MARCHF7: variants seen among roughly 807,000 people sequenced by gnomAD.
The protein encoded by MARCHF7 is E3 ubiquitin-protein ligase MARCHF7.
In MARCHF7, 20 loss-of-function variants were observed where a neutral mutation model predicts 76.5. The observed-to-expected ratio is 0.26, with a 90% CI of 0.18 to 0.38. MARCHF7 has a LOEUF of 0.38. Among genes scored for constraint, MARCHF7 ranks in the 10% least tolerant of loss-of-function variants. The probability of loss-of-function intolerance (pLI) is 1.00; values close to 1 mark genes in which losing one functional copy is unlikely to be tolerated. For missense variants in MARCHF7, 797 were observed against 812.9 expected (o/e 0.98, Z 0.24); for synonymous variants, 295 against 293.0 (o/e 1.01, Z -0.07).
intron 4 of MARCHF7, among the ~76,000 whole-genome samples, chr2:159,729,574 G>A (rs1007998133): frequency 1.3e-5 from 2 of 151,878 alleles, no homozygotes; most frequent in East Asian, 1.9e-4. Context: ...TTGGGAGGCC[G>A]AAGAGGGAGG....
intron 3 of MARCHF7, among the ~76,000 whole-genome samples, chr2:159,716,659 A>G (rs1701077135): frequency 6.6e-6 from 1 of 151,832 alleles, no homozygotes; most frequent in East Asian, 1.9e-4. Context: ...AAAAAATGAT[A>G]GATTACATTG....
Position 159,748,206 on chromosome 2 carries a change from A to G in MARCHF7, c.916A>G (p.Thr306Ala). The change falls in exon 7 of 12, where the codon ACA becomes GCA. Residue 306 changes from threonine to alanine, a missense_variant. Physicochemically the swap from Thr to Ala is moderately conservative, Grantham distance 58 (BLOSUM62 0). Coordinates refer to ENST00000409175, the MANE Select transcript of MARCHF7 (RefSeq NM_001282805.2). ...AAGATCTAGTCAGGATTCCTTGAATACAAGATCATTGAATTCTGAAAATTC... is the reference window on the plus strand; with the variant it reads ...AAGATCTAGTCAGGATTCCTTGAATGCAAGATCATTGAATTCTGAAAATTC... ...SRRSSQDSLN[T>A]RSLNSENSYV... The G allele has an allele frequency of 6.2e-7, 1 of 1,614,092 alleles. No homozygotes were observed. Among genetic ancestry groups the G allele is most frequent in the South Asian group, 1.1e-5 (1 of 91,070 alleles).
chr2:159,734,672 T>C (rs984059626), intron 4 of MARCHF7, among the ~76,000 whole-genome samples: 1 of 151,956 alleles, frequency 6.6e-6, no homozygotes, highest in African/African-American at 2.4e-5. Context: ...ATAATGAGTA[T>C]TGCATATAAG....
chr2:159,770,029 T>G lies in MARCHF7; in HGVS notation c.*2687T>G, dbSNP rs1332216553. On this transcript the variant is annotated 3_prime_UTR_variant, in exon 12 of 12. Transcript: ENST00000409175. ...CATTGTAGTTGTAGACGTTTGAGAC[T>G]GTTGGTTTTAAGTTGGACTTAATCA... The G allele has an allele frequency of 6.6e-6, 1 of 152,194 alleles. No individual in the cohort carries two copies. Among genetic ancestry groups the G allele is most frequent in the Admixed American group, 6.5e-5 (1 of 15,284 alleles). 9.4% of individuals were successfully genotyped at this position (152,194 alleles called of 1,614,324 possible).
chr2:159,728,472 A>G lies in MARCHF7; in HGVS notation c.-14-537A>G, dbSNP rs541660620. On this transcript the variant is annotated intron_variant, in intron 3 of 11. Coordinates refer to ENST00000409175, the MANE Select transcript of MARCHF7 (RefSeq NM_001282805.2). Reference sequence around the variant, plus strand: ...GAGATGGGGAAATAGAAAGGTAAACAAATTACAATGCATAGTAGTATCAAA... The same window carrying G: ...GAGATGGGGAAATAGAAAGGTAAACGAATTACAATGCATAGTAGTATCAAA... 3.9e-5 allele frequency among the ~76,000 whole-genome samples: 6 copies of G among 152,366 alleles called. No individual in the cohort carries two copies. In the East Asian group the frequency reaches 1.2e-3, roughly 29 times the overall value.
chr2:159,757,020 G>A (rs562977997), intron 8 of MARCHF7, among the ~76,000 whole-genome samples: 1 of 152,130 alleles, frequency 6.6e-6, no homozygotes, highest in South Asian at 2.1e-4. Context: ...AGCCTCCTAA[G>A]TTAGCTGGGA....
chr2:159,739,891 T>C (rs190996933), intron 4 of MARCHF7, among the ~76,000 whole-genome samples: 127 of 152,348 alleles, frequency 8.3e-4, no homozygotes, highest in Middle Eastern at 6.8e-3. Flanking sequence ...TCGTGAGTCA[T>C]GAAAATTGTT....
intron 8 of MARCHF7, among the ~76,000 whole-genome samples, chr2:159,752,841 C>G (rs569557200): frequency 5.9e-5 from 9 of 152,200 alleles, no homozygotes; most frequent in Non-Finnish European, 1.3e-4. Flanking sequence ...TCCCTTAAAT[C>G]ATGGAAGATC....
chr2:159,729,148 T>G lies in MARCHF7; in HGVS notation c.126T>G (p.Ser42=), dbSNP rs776805298. 1.9e-6 allele frequency: 3 copies of G among 1,599,710 alleles called. No individual in the cohort carries two copies. In the African/African-American group the frequency reaches 4.0e-5, roughly 22 times the overall value. Reference sequence around the variant, plus strand: ...ATGATACCTATCACTCAAGAGACTCTTCATTTAGATTGGATTCTGAATATC... The same window carrying G: ...ATGATACCTATCACTCAAGAGACTCGTCATTTAGATTGGATTCTGAATATC... ...SLNDTYHSRD[S]SFRLDSEYQS... is the part of the protein sequence containing the mutation. The change falls in exon 4 of 12, where the codon TCT becomes TCG. Residue 42 remains serine (S), a synonymous_variant. Coordinates refer to ENST00000409175, the MANE Select transcript of MARCHF7 (RefSeq NM_001282805.2).
chr2:159,725,042 A>G (rs1702013230), intron 3 of MARCHF7, among the ~76,000 whole-genome samples: 1 of 152,130 alleles, frequency 6.6e-6, no homozygotes, highest in Admixed American at 6.5e-5. Flanking sequence ...ATAGTATTCC[A>G]TGGTGTATAT....
intron 3 of MARCHF7, among the ~76,000 whole-genome samples, chr2:159,726,625 G>A (rs892825298): frequency 1.3e-5 from 2 of 152,164 alleles, no homozygotes; most frequent in East Asian, 3.9e-4. Context: ...CCAACCTGTT[G>A]TTATTTTTTT....
chr2:159,728,877 C>T (rs1473864895), intron 3 of MARCHF7, 132 bp from the exon 4 acceptor site: 2 of 486,210 alleles, frequency 4.1e-6, no homozygotes, highest in Non-Finnish European at 3.5e-6. Context: ...GTGATCATTT[C>T]ACAATTTACG....
At chr2:159,760,104 T>A (rs368559282) in intron 9 of MARCHF7, among the ~76,000 whole-genome samples, 1 of 152,328 alleles carries the variant, frequency 6.6e-6, no homozygotes, top group African/African-American at 2.4e-5. Flanking sequence ...CATTAAACAG[T>A]TGCTCCCCAT....
At chr2:159,759,929 T>C (rs1023050727) in intron 9 of MARCHF7, among the ~76,000 whole-genome samples, 6 of 151,056 alleles carry the variant, frequency 4.0e-5, no homozygotes, top group African/African-American at 1.5e-4. Context: ...AGACCCGGTC[T>C]CTACAAAACA....
chr2:159,768,062 TTA>T lies in MARCHF7; in HGVS notation c.*724_*725del, dbSNP rs374860364. 12 of 152,684 alleles carry T rather than the reference TTA, an allele frequency of 7.9e-5. No homozygotes were observed. Among genetic ancestry groups the T allele is most frequent in the African/African-American group, 2.6e-4 (11 of 41,576 alleles). 9.5% of individuals were successfully genotyped at this position (152,684 alleles called of 1,614,324 possible). On this transcript the variant is annotated 3_prime_UTR_variant, in exon 12 of 12. Transcript: ENST00000409175. ...CTTTTAGGAATATTACAGCTGTAAA[TTA>T]TATGAGACTTGCCAGTCAAATGCTA...
At chr2:159,732,894 C>T (rs1702985701) in intron 4 of MARCHF7, 1 of 985,244 alleles carries the variant, frequency 1.0e-6, no homozygotes. Context: ...TTTCTTCATA[C>T]AGCCACATCT....
At chr2:159,721,202 G>T (rs1326923470) in intron 3 of MARCHF7, among the ~76,000 whole-genome samples, 1 of 151,956 alleles carries the variant, frequency 6.6e-6, no homozygotes, top group Admixed American at 6.6e-5. Context: ...GTGGTCTTTT[G>T]GAGTCCACCT....
Position 159,752,591 on chromosome 2 carries a change from G to T in MARCHF7, c.1783+20G>T, listed in dbSNP as rs1386278185. ...ACTCTGGTAAGATTTACCCTTTTGT[G>T]TTTTCACAATTTTTCTAAGAGATGC... is the stretch of plus-strand genomic sequence containing the variant. On this transcript the variant is annotated intron_variant, in intron 8 of 11. Coordinates refer to ENST00000409175, the MANE Select transcript of MARCHF7 (RefSeq NM_001282805.2). 1 of 1,440,544 alleles carries T rather than the reference G, an allele frequency of 6.9e-7. No individual in the cohort carries two copies. The highest frequency in any genetic ancestry group is 9.2e-7 in the Non-Finnish European group (1 of 1,089,432). 89.2% of individuals were successfully genotyped at this position (1,440,544 alleles called of 1,614,324 possible). A position where few individuals can be genotyped will look rare whatever the true frequency, so the allele number is the denominator to read the frequency against.
intron 6 of MARCHF7, among the ~76,000 whole-genome samples, chr2:159,746,458 A>G (rs758206094): frequency 9.2e-5 from 14 of 152,188 alleles, no homozygotes; most frequent in South Asian, 2.1e-4. Flanking sequence ...CTGGGGTGCA[A>G]TGGCACGACG....
Sources: allele counts gnomAD v4.1 joint callset (sites outside exome capture counted in the v4.1 genomes callset), GRCh38; gene constraint gnomAD v4.1.1; transcripts MANE v1.5; gene names NCBI Gene and HGNC (gene_info 2026-07-23, HGNC 2026-07-21).